The following DEPTOR variants were observed in gnomAD, a reference collection of about 807,000 sequenced individuals.
The protein encoded by DEPTOR is DEP domain-containing mTOR-interacting protein.
A neutral mutation model predicts 41.6 loss-of-function variants in DEPTOR; 41 were observed. The ratio of observed to expected loss-of-function variants is 0.98; its 90% CI spans 0.77 to 1.28. DEPTOR has a LOEUF of 1.28. Among genes scored for constraint, DEPTOR ranks in the 50% most tolerant of loss-of-function variants. The pLI is 0.00. For missense variants in DEPTOR, 514 were observed against 527.9 expected (o/e 0.97, Z 0.26); for synonymous variants, 195 against 192.3 (o/e 1.01, Z -0.12).
chr8:119,926,100 T>A (rs930328539), intron 1 of DEPTOR, among the ~76,000 whole-genome samples: 11 of 152,348 alleles, frequency 7.2e-5, no homozygotes, highest in East Asian at 1.9e-4. Context: ...GCTGTTTTTT[T>A]AAAAAATTAT....
At chr8:119,958,706 C>T (rs1346790480) in intron 3 of DEPTOR, among the ~76,000 whole-genome samples, 5 of 151,954 alleles carry the variant, frequency 3.3e-5, no homozygotes, top group Non-Finnish European at 5.9e-5. Context: ...AGCATGAACC[C>T]GGGAGGCAGA....
rs572757215 is a variant in DEPTOR at position 119,969,476 on chromosome 8, T to G, written c.604+4066T>G. 1.4e-4 allele frequency among the ~76,000 whole-genome samples: 21 copies of G among 151,638 alleles called. No homozygotes were observed. In the South Asian group the frequency reaches 4.4e-3, roughly 32 times the overall value. ...TTCAAGCAATTCTCTTGCCTCAGCC[T>G]CCCGAGTAGCTGGGATTACAGGCAT... On this transcript the variant is annotated intron_variant, in intron 4 of 8. Transcript: ENST00000286234.
chr8:119,878,876 T>C (rs1180005421), intron 1 of DEPTOR, among the ~76,000 whole-genome samples: 1 of 151,776 alleles, frequency 6.6e-6, no homozygotes, highest in African/African-American at 2.4e-5. Context: ...TTTGGGAGGC[T>C]GAGGCGGGCG....
chr8:119,890,281 T>TTGTG (rs375612990), intron 1 of DEPTOR, among the ~76,000 whole-genome samples: 330 of 146,818 alleles, frequency 2.2e-3, no homozygotes, highest in Middle Eastern at 0.014. Flanking sequence ...ATGAGTTTTT[T>TTGTG]TGTTTGTTTG....
At chr8:119,959,369 G>A (rs568906296) in intron 3 of DEPTOR, among the ~76,000 whole-genome samples, 16 of 151,914 alleles carry the variant, frequency 1.1e-4, no homozygotes, top group African/African-American at 3.6e-4. Flanking sequence ...CACCGTGTTA[G>A]CCAGGATGGT....
chr8:119,875,296 A>T (rs1256301281), intron 1 of DEPTOR, among the ~76,000 whole-genome samples: 1 of 152,022 alleles, frequency 6.6e-6, no homozygotes, highest in East Asian at 1.9e-4. Context: ...GCAAAGGGAG[A>T]TGGGGAAGGG....
chr8:119,992,555 T>G (rs1196274327), intron 4 of DEPTOR, among the ~76,000 whole-genome samples: 1 of 152,168 alleles, frequency 6.6e-6, no homozygotes, highest in Non-Finnish European at 1.5e-5. Flanking sequence ...TCAGTTCACA[T>G]GCTTCATGAT....
intron 5 of DEPTOR, 29 bp downstream of exon 5, chr8:120,001,739 C>T (rs1160022412): frequency 1.9e-6 from 3 of 1,591,210 alleles, no homozygotes; most frequent in East Asian, 2.2e-5. Context: ...TATTGGAGCT[C>T]AAGTGTTTGT....
At chr8:120,006,558 C>T (rs1812440901) in intron 6 of DEPTOR, among the ~76,000 whole-genome samples, 2 of 151,432 alleles carry the variant, frequency 1.3e-5, no homozygotes, top group South Asian at 2.1e-4. Flanking sequence ...GCCCCCTTAT[C>T]CCCACCCCTG....
At chr8:119,896,228 C>T (rs1224321289) in intron 1 of DEPTOR, among the ~76,000 whole-genome samples, 1 of 152,130 alleles carries the variant, frequency 6.6e-6, no homozygotes, top group African/African-American at 2.4e-5. Context: ...TCATTTAATC[C>T]TGGAGTAAGT....
intron 4 of DEPTOR, among the ~76,000 whole-genome samples, chr8:119,971,531 T>G (rs1828633872): frequency 6.6e-6 from 1 of 152,200 alleles, no homozygotes; most frequent in Non-Finnish European, 1.5e-5. Flanking sequence ...TCCACAGACT[T>G]CAGTCTTTCT....
At chr8:119,891,087 C>T (rs190468462) in intron 1 of DEPTOR, 1 of 152,022 alleles carries the variant, frequency 6.6e-6, no homozygotes, top group Admixed American at 6.6e-5. Flanking sequence ...ATCCAAGTAC[C>T]CAGGCTGGAG....
intron 4 of DEPTOR, among the ~76,000 whole-genome samples, chr8:119,994,952 A>G (rs1812237003): frequency 6.6e-6 from 1 of 151,840 alleles, no homozygotes; most frequent in Middle Eastern, 3.2e-3. Flanking sequence ...AAGAAAAAAA[A>G]AAGAAGAATT....
intron 4 of DEPTOR, among the ~76,000 whole-genome samples, chr8:119,970,976 A>G (rs1322539205): frequency 6.6e-6 from 1 of 152,188 alleles, no homozygotes; most frequent in Admixed American, 6.5e-5. Context: ...CACACCCGTA[A>G]TCCCAGCATT....
intron 4 of DEPTOR, among the ~76,000 whole-genome samples, chr8:120,001,289 T>C (rs1190852235): frequency 6.6e-6 from 1 of 152,052 alleles, no homozygotes; most frequent in Non-Finnish European, 1.5e-5. Context: ...AGAACTCAGA[T>C]TGAAAGCAAG....
intron 1 of DEPTOR, among the ~76,000 whole-genome samples, chr8:119,878,318 G>T (rs1827254020): frequency 8.1e-6 from 1 of 122,712 alleles, no homozygotes. Flanking sequence ...GGCCAATCCT[G>T]ACACTTTTTT....
rs991249309 is a variant in DEPTOR at position 119,928,398 on chromosome 8, A to G, written c.123-2A>G. On this transcript the variant is annotated splice_acceptor_variant, in intron 1 of 8. Coordinates refer to ENST00000286234, the MANE Select transcript of DEPTOR (RefSeq NM_022783.4). LOFTEE classifies it high-confidence loss of function. Reference sequence around the variant, plus strand: ...CAAAGTAATTGCTAATTTTTCTTTCAGGCTCAGGCTGCACGAAGAAAAGGT... The same window carrying G: ...CAAAGTAATTGCTAATTTTTCTTTCGGGCTCAGGCTGCACGAAGAAAAGGT... 1.9e-6 allele frequency: 3 copies of G among 1,600,728 alleles called. No homozygotes were observed. Among genetic ancestry groups the G allele is most frequent in the African/African-American group, 2.7e-5 (2 of 74,156 alleles).
chr8:120,029,505 C>T (rs1812852492), intron 8 of DEPTOR, among the ~76,000 whole-genome samples: 2 of 152,044 alleles, frequency 1.3e-5, no homozygotes, highest in African/African-American at 2.4e-5. Context: ...AAGTGATTCT[C>T]CTGTCTCAGC....
At chr8:120,042,436 A>C (rs1381073870) in intron 8 of DEPTOR, among the ~76,000 whole-genome samples, 1 of 152,224 alleles carries the variant, frequency 6.6e-6, no homozygotes, top group Non-Finnish European at 1.5e-5. Flanking sequence ...CTAACAGGAC[A>C]TTGGAATTGC....
Sources: gnomAD v4.1 joint callset for allele counts (sites outside exome capture counted in the v4.1 genomes callset) on GRCh38, gnomAD v4.1.1 for gene constraint, MANE v1.5 for transcripts, NCBI Gene and HGNC (gene_info 2026-07-23, HGNC 2026-07-21) for gene names.